Variants in OOSP4A observed in about 807,000 individuals in gnomAD.
OOSP4A encodes oocyte-secreted protein 4A.
chr11:59,970,147 G>GT, downstream of OOSP4A: 3 of 397,872 alleles, frequency 7.5e-6, no homozygotes. Context: ...ACTTCACCTG[G>GT]TACTCTGGCT....
At chr11:59,966,470 G>A (rs971855778) in intron 2 of OOSP4A, among the ~76,000 whole-genome samples, 1 of 151,200 alleles carries the variant, frequency 6.6e-6, no homozygotes, top group Non-Finnish European at 1.5e-5. Context: ...ATCAGACTCT[G>A]ACTCTTTTTT....
At chr11:59,967,369 G>GT (rs1442433651) in intron 3 of OOSP4A, among the ~76,000 whole-genome samples, 1 of 152,144 alleles carries the variant, frequency 6.6e-6, no homozygotes, top group East Asian at 1.9e-4. Context: ...AGGCTCAGTT[G>GT]TTATATGAGA....
At chr11:59,968,351 A>G (rs1456216030) in intron 3 of OOSP4A, among the ~76,000 whole-genome samples, 1 of 152,162 alleles carries the variant, frequency 6.6e-6, no homozygotes, top group Non-Finnish European at 1.5e-5. Context: ...TCACAACTGC[A>G]TATTTCCTGA....
intron 1 of OOSP4A, among the ~76,000 whole-genome samples, chr11:59,964,837 C>T (rs1256814410): frequency 1.3e-5 from 2 of 151,940 alleles, no homozygotes; most frequent in Non-Finnish European, 2.9e-5. Flanking sequence ...AGTGGAAGCA[C>T]GTGATATATT....
intron 3 of OOSP4A, among the ~76,000 whole-genome samples, chr11:59,967,673 T>A (rs190552973): frequency 4.0e-5 from 6 of 151,464 alleles, no homozygotes; most frequent in East Asian, 3.9e-4. Context: ...CTAATTTTTT[T>A]TATATATATA....
intron 2 of OOSP4A, 135 bp downstream of exon 2, chr11:59,965,848 T>G: frequency 2.5e-6 from 1 of 395,624 alleles, no homozygotes; most frequent in East Asian, 3.6e-5. Flanking sequence ...GATTATTCTC[T>G]TCAACATTTT....
exon 1 of OOSP4A, chr11:59,964,075 G>A: frequency 1.5e-5 from 6 of 397,228 alleles, no homozygotes; most frequent in Non-Finnish European, 2.2e-5. Context: ...CATGCTTTTC[G>A]AGTTGATTCA....
exon 5 of OOSP4A, chr11:59,970,114 A>G: frequency 7.5e-6 from 3 of 398,178 alleles, no homozygotes; most frequent in Non-Finnish European, 1.3e-5. Context: ...AAAGCTGTAC[A>G]TTCTGGATGA....
intron 3 of OOSP4A, among the ~76,000 whole-genome samples, chr11:59,968,367 C>T (rs746857882): frequency 6.6e-6 from 1 of 152,228 alleles, no homozygotes; most frequent in Admixed American, 6.5e-5. Context: ...CCTGATGGAC[C>T]GATCTAAAAC....
intron 1 of OOSP4A, among the ~76,000 whole-genome samples, chr11:59,965,204 G>A (rs1415729595): frequency 4.0e-5 from 6 of 151,356 alleles, no homozygotes; most frequent in African/African-American, 1.5e-4. Context: ...GTTAAATGAC[G>A]AGTTAATGGG....
At chr11:59,966,474 C>CT (rs573326718) in intron 2 of OOSP4A, among the ~76,000 whole-genome samples, 3,020 of 142,594 alleles carry the variant, frequency 0.021, 45 homozygotes, top group Middle Eastern at 0.058. Context: ...GACTCTGACT[C>CT]TTTTTTTTTT....
chr11:59,967,368 TG>T (rs1854111345), intron 3 of OOSP4A, among the ~76,000 whole-genome samples: 1 of 152,194 alleles, frequency 6.6e-6, no homozygotes, highest in African/African-American at 2.4e-5. Context: ...GAGGCTCAGT[TG>T]TTATATGAGA....
chr11:59,965,971 G>GGTT (rs1565033125), intron 2 of OOSP4A, among the ~76,000 whole-genome samples: 1 of 150,618 alleles, frequency 6.6e-6, no homozygotes, highest in African/African-American at 2.5e-5. Flanking sequence ...CTGTGATAGT[G>GGTT]TTTTTTTTGT....
intron 3 of OOSP4A, 29 bp downstream of exon 3, chr11:59,967,193 GCTAT>G: frequency 5.0e-6 from 2 of 397,722 alleles, no homozygotes; most frequent in Non-Finnish European, 8.9e-6. Flanking sequence ...TGAGATTAAG[GCTAT>G]CTAATATTAT....
exon 5 of OOSP4A, chr11:59,970,060 C>T (rs1413823702): frequency 2.5e-6 from 1 of 397,982 alleles, no homozygotes; most frequent in Non-Finnish European, 4.4e-6. Context: ...AACAGTGTTC[C>T]CTTGTTGAGC....
At chr11:59,967,437 C>G (rs931038196) in intron 3 of OOSP4A, among the ~76,000 whole-genome samples, 1 of 152,102 alleles carries the variant, frequency 6.6e-6, no homozygotes, top group Non-Finnish European at 1.5e-5. Flanking sequence ...AGTAATCTTT[C>G]CTTTTTTGCA....
At chr11:59,964,202 T>A (rs1854072784) in intron 1 of OOSP4A, 103 bp downstream of exon 1, 2 of 395,794 alleles carry the variant, frequency 5.1e-6, no homozygotes, top group Admixed American at 4.4e-5. Context: ...TTGTTTTTTT[T>A]ATAACCTAGT....
intron 3 of OOSP4A, among the ~76,000 whole-genome samples, chr11:59,967,408 A>G (rs2134585785): frequency 6.6e-6 from 1 of 152,260 alleles, no homozygotes; most frequent in East Asian, 1.9e-4. Context: ...TAAAGAGATT[A>G]TGTCAGAAAG....
chr11:59,969,715 T>G (rs1401319614), intron 4 of OOSP4A, among the ~76,000 whole-genome samples: 1 of 152,204 alleles, frequency 6.6e-6, no homozygotes, highest in African/African-American at 2.4e-5. Context: ...GCTATAATCT[T>G]TGGACTTTAG....
Sources: gnomAD v4.1 joint callset for allele counts (sites outside exome capture counted in the v4.1 genomes callset) on GRCh38, gnomAD v4.1.1 for gene constraint, MANE v1.5 for transcripts, NCBI Gene and HGNC (gene_info 2026-07-23, HGNC 2026-07-21) for gene names.